The following SELP variants were observed in gnomAD, a reference collection of about 807,000 sequenced individuals.
SELP encodes selectin P, also known as P-selectin.
Under a neutral mutation model 104.1 loss-of-function variants are expected in SELP, and 92 were observed. The observed-to-expected ratio is 0.88, with a 90% CI of 0.75 to 1.05. The LOEUF (loss-of-function observed/expected upper bound fraction) is 1.05. SELP is among the 50% of genes least tolerant of loss of function. The pLI is 0.00. For synonymous variants in SELP, 397 were observed against 364.5 expected, an observed-to-expected ratio of 1.09 and a Z score of -1.01; for missense variants, 1,022 against 1,017.3, an observed-to-expected ratio of 1.00 and a Z score of -0.06.
intron 1 of SELP, among the ~76,000 whole-genome samples, chr1:169,624,430 TAC>T (rs1014797158): frequency 6.6e-6 from 1 of 152,296 alleles, no homozygotes; most frequent in African/African-American, 2.4e-5. Context: ...CTTCATTAAG[TAC>T]CATGATTATC....
At position 169,612,303 on chromosome 1, in the gene SELP, C is replaced by G; in HGVS notation, c.875G>C (p.Cys292Ser). The G allele has an allele frequency of 6.2e-7, 1 of 1,614,148 alleles. No homozygotes were observed. Among genetic ancestry groups the G allele is most frequent in the Non-Finnish European group, 8.5e-7 (1 of 1,180,020 alleles). The change falls in exon 6 of 17, where the codon TGT becomes TCT. Residue 292 changes from cysteine (C) to serine (S), a missense_variant. Cys to Ser is a moderately radical substitution (Grantham distance 112). Coordinates refer to ENST00000263686, the MANE Select transcript of SELP (RefSeq NM_003005.4). ...FQHQSSCSFS[C>S]EEGFALVGPE... is the part of the protein sequence containing the mutation. ...TCCAACTAATGCAAATCCCTCTTCA[C>G]AACTGAAGCTGCAGCTAGACTGATG...
At chr1:169,613,812 G>A in intron 3 of SELP, 119 bp from the exon 4 acceptor site, 1 of 769,526 alleles carries the variant, frequency 1.3e-6, no homozygotes, top group South Asian at 1.5e-5. Flanking sequence ...CCAGACAAGA[G>A]GGAAGCACAG....
intron 1 of SELP, among the ~76,000 whole-genome samples, chr1:169,626,166 C>A (rs780771018): frequency 3.2e-4 from 48 of 152,164 alleles, no homozygotes; most frequent in Non-Finnish European, 6.5e-4. Flanking sequence ...AACATGAAGA[C>A]ATTAGTGTGG....
In SELP at chr1:169,589,065, A is replaced by G. The variant is rs1255766008; in HGVS notation, c.*398T>C. The G allele has an allele frequency of 6.6e-6, 1 of 152,198 alleles. No individual in the cohort carries two copies. Among genetic ancestry groups the G allele is most frequent in the Non-Finnish European group, 1.5e-5 (1 of 68,042 alleles). 9.4% of individuals were successfully genotyped at this position (152,198 alleles called of 1,614,324 possible). On this transcript the variant is annotated 3_prime_UTR_variant, in exon 17 of 17. Coordinates refer to ENST00000263686, the MANE Select transcript of SELP (RefSeq NM_003005.4). The stretch of plus-strand genomic sequence containing the variant: ...CAGCAACCACTGGAGACTCCAGAAG[A>G]TGCTACAGGAATTTCTTCCAATTAG...
At chr1:169,617,566 AGG>A in intron 2 of SELP, 152 bp from the exon 3 acceptor site, 1 of 789,728 alleles carries the variant, frequency 1.3e-6, no homozygotes, top group Non-Finnish European at 2.0e-6. Flanking sequence ...AGTTGTTTGA[AGG>A]AAAAAGAGTG....
At chr1:169,623,540 A>G (rs1251770177) in intron 1 of SELP, among the ~76,000 whole-genome samples, 5 of 152,258 alleles carry the variant, frequency 3.3e-5, no homozygotes, top group Non-Finnish European at 7.3e-5. Context: ...ACAAGATAAA[A>G]CAAAGTGAGA....
chr1:169,595,601 A>C (rs527717454), intron 12 of SELP, among the ~76,000 whole-genome samples: 2 of 152,346 alleles, frequency 1.3e-5, no homozygotes, highest in East Asian at 3.9e-4. Context: ...GTCACATAAT[A>C]TGCAACTTCT....
rs118025355 is a variant in SELP at position 169,600,888 on chromosome 1, G to A, written c.1705+2138C>T. On this transcript the variant is annotated intron_variant, in intron 10 of 16. Coordinates refer to ENST00000263686, the MANE Select transcript of SELP (RefSeq NM_003005.4). Reference sequence around the variant, plus strand: ...GTTGATAATTCCAAGGGCCATAGTGGGTTAAAGCTGCTGTTCATGGTCAGG... The same window carrying A: ...GTTGATAATTCCAAGGGCCATAGTGAGTTAAAGCTGCTGTTCATGGTCAGG... Among the ~76,000 whole-genome samples the A allele has an allele frequency of 4.7e-4, 72 of 152,310 alleles. 1 individual carries two copies. In the East Asian group the frequency reaches 0.013, roughly 27 times the overall value.
chr1:169,607,751 T>C lies in SELP; in HGVS notation c.1334-617A>G, dbSNP rs3917749. 9.6e-3 allele frequency among the ~76,000 whole-genome samples: 1,466 copies of C among 152,292 alleles called. 32 individuals are homozygous for C. Among genetic ancestry groups the C allele is most frequent in the African/African-American group, 0.032 (1,343 of 41,540 alleles). ...GGTAGTAATAATTGTAACTACCTCA[T>C]AGAGTTAGACTGAGATCATAGAAAG... is the stretch of plus-strand genomic sequence containing the variant. On this transcript the variant is annotated intron_variant, in intron 8 of 16. Coordinates refer to ENST00000263686, the MANE Select transcript of SELP (RefSeq NM_003005.4).
At chr1:169,591,312 A>G in intron 15 of SELP, 114 bp downstream of exon 15, 1 of 635,000 alleles carries the variant, frequency 1.6e-6, no homozygotes, top group Non-Finnish European at 2.8e-6. Context: ...AAGACATTGC[A>G]AAAGACATTG....
At chr1:169,611,803 T>TA (rs1231909753) in intron 6 of SELP, 126 bp from the exon 7 acceptor site, 1 of 898,040 alleles carries the variant, frequency 1.1e-6, no homozygotes. Context: ...CAAGAGACCC[T>TA]AATGATGTTT....
intron 10 of SELP, among the ~76,000 whole-genome samples, chr1:169,600,753 G>C (rs752534559): frequency 1.3e-5 from 2 of 152,188 alleles, no homozygotes; most frequent in Non-Finnish European, 2.9e-5. Context: ...ATGGGTTCAG[G>C]CATATGGGAA....
intron 9 of SELP, among the ~76,000 whole-genome samples, chr1:169,604,550 A>G (rs990640032): frequency 2.6e-5 from 4 of 152,218 alleles, no homozygotes; most frequent in Non-Finnish European, 5.9e-5. Context: ...TCAGCCACTG[A>G]CTTAAACAGC....
chr1:169,627,220 G>T (rs1663415216), intron 1 of SELP, among the ~76,000 whole-genome samples: 1 of 152,188 alleles, frequency 6.6e-6, no homozygotes, highest in Admixed American at 6.5e-5. Flanking sequence ...TATGTTTCTG[G>T]ACGGTGGTGG....
At chr1:169,629,863 T>C (rs527841174) in intron 1 of SELP, among the ~76,000 whole-genome samples, 13 of 152,268 alleles carry the variant, frequency 8.5e-5, no homozygotes, top group African/African-American at 3.1e-4. Context: ...ATTTGTAAAA[T>C]AGAAATAGCA....
chr1:169,628,059 C>A (rs968153090), intron 1 of SELP, among the ~76,000 whole-genome samples: 4 of 152,206 alleles, frequency 2.6e-5, no homozygotes, highest in Admixed American at 6.5e-5. Flanking sequence ...ACATGCCCAG[C>A]CAGTTTTTGT....
rs137885477 is a variant in SELP at position 169,617,311 on chromosome 1, G to A, written c.198C>T (p.Asp66=). Reference sequence around the variant, plus strand: ...CATTTTTATTCTGGATGGCCACTAAGTCTGTGTAGCGATTCTGGCAGTATT... The same window carrying A: ...CATTTTTATTCTGGATGGCCACTAAATCTGTGTAGCGATTCTGGCAGTATT... The part of the protein sequence containing the change: ...SRKYCQNRYT[D]LVAIQNKNEI... Residue 66 remains aspartate, a synonymous_variant, in exon 3 of 17, where the codon GAC becomes GAT. Coordinates refer to ENST00000263686, the MANE Select transcript of SELP (RefSeq NM_003005.4). The A allele has an allele frequency of 6.8e-6, 11 of 1,613,964 alleles. No homozygotes were observed. In the African/African-American group the frequency reaches 1.5e-4, roughly 22 times the overall value.
chr1:169,599,358 CA>C (rs3035293), intron 10 of SELP, among the ~76,000 whole-genome samples: 139 of 143,276 alleles, frequency 9.7e-4, no homozygotes, highest in Non-Finnish European at 1.5e-3. Flanking sequence ...AAAACTTTGG[CA>C]AAAAAAAAAA....
chr1:169,611,294 T>G (rs1258589195), intron 7 of SELP, among the ~76,000 whole-genome samples, 198 bp downstream of exon 7: 1 of 152,194 alleles, frequency 6.6e-6, no homozygotes, highest in Admixed American at 6.5e-5. Context: ...ATACTTTTTA[T>G]GTACTTAATC....
Sources: allele counts gnomAD v4.1 joint callset (sites outside exome capture counted in the v4.1 genomes callset), GRCh38; gene constraint gnomAD v4.1.1; transcripts MANE v1.5; gene names NCBI Gene and HGNC (gene_info 2026-07-23, HGNC 2026-07-21).